CNTN4: variants seen among roughly 807,000 people sequenced by gnomAD.
The protein encoded by CNTN4 is contactin 4.
CNTN4 carries 77 observed loss-of-function variants against 122.5 expected under a neutral mutation model. The ratio of observed to expected loss-of-function variants is 0.63; its 90% CI spans 0.52 to 0.76. CNTN4 has a LOEUF of 0.76. CNTN4 is among the 30% of genes least tolerant of loss of function. The pLI is 0.00. For missense variants in CNTN4, 1,256 were observed against 1,259.1 expected (o/e 1.00, Z 0.04); for synonymous variants, 512 against 447.0 (o/e 1.15, Z -1.83).
intron 3 of CNTN4, among the ~76,000 whole-genome samples, chr3:2,396,324 C>T (rs899574763): frequency 6.6e-6 from 1 of 152,144 alleles, no homozygotes; most frequent in Non-Finnish European, 1.5e-5. Context: ...AGCGCCCAGC[C>T]TAGCCTGTTT....
chr3:2,673,419 T>A (rs867215590), intron 4 of CNTN4, among the ~76,000 whole-genome samples: 1 of 152,178 alleles, frequency 6.6e-6, no homozygotes, highest in Non-Finnish European at 1.5e-5. Flanking sequence ...CAATGTGGCT[T>A]TCCTGCTCTT....
chr3:2,379,544 G>A (rs939649902), intron 3 of CNTN4, among the ~76,000 whole-genome samples: 1 of 152,126 alleles, frequency 6.6e-6, no homozygotes, highest in African/African-American at 2.4e-5. Context: ...TAACTGCTAT[G>A]TTAGTATAAA....
chr3:2,799,661 G>A (rs538535530), intron 6 of CNTN4, among the ~76,000 whole-genome samples: 14 of 152,106 alleles, frequency 9.2e-5, no homozygotes, highest in Admixed American at 2.0e-4. Flanking sequence ...ACGGAATTTC[G>A]CCACGTTTGC....
intron 7 of CNTN4, among the ~76,000 whole-genome samples, chr3:2,857,041 A>T (rs751071172): frequency 3.1e-4 from 47 of 152,148 alleles, no homozygotes; most frequent in Non-Finnish European, 1.0e-4. Flanking sequence ...GTGAGACAAA[A>T]AACCTCTATG....
At chr3:2,218,735 AAAG>A (rs985971347) in intron 2 of CNTN4, among the ~76,000 whole-genome samples, 19 of 152,222 alleles carry the variant, frequency 1.2e-4, no homozygotes, top group African/African-American at 4.6e-4. Flanking sequence ...TACATACAGC[AAAG>A]AAGGATTGAT....
chr3:2,426,526 TTC>T (rs1328087459), intron 3 of CNTN4, among the ~76,000 whole-genome samples: 1 of 151,048 alleles, frequency 6.6e-6, no homozygotes, highest in Non-Finnish European at 1.5e-5. Context: ...TGGTCTGAAA[TTC>T]TCTTTTTTTT....
At chr3:2,261,124 C>T (rs2040819582) in intron 2 of CNTN4, among the ~76,000 whole-genome samples, 1 of 152,090 alleles carries the variant, frequency 6.6e-6, no homozygotes, top group South Asian at 2.1e-4. Context: ...AATAAATGAA[C>T]ACATCACATT....
At chr3:3,053,409 G>A (rs1018227629) in intron 23 of CNTN4, among the ~76,000 whole-genome samples, 2 of 152,184 alleles carry the variant, frequency 1.3e-5, no homozygotes, top group African/African-American at 4.8e-5. Flanking sequence ...ACTGAAGTGA[G>A]GCTCTGAAAG....
chr3:2,227,265 G>T (rs191731575), intron 2 of CNTN4, among the ~76,000 whole-genome samples: 1 of 152,224 alleles, frequency 6.6e-6, no homozygotes, highest in East Asian at 1.9e-4. Context: ...CATTCAAGAA[G>T]ATAAGTTGGT....
intron 3 of CNTN4, among the ~76,000 whole-genome samples, chr3:2,486,743 G>T (rs2076174026): frequency 6.6e-6 from 1 of 151,920 alleles, no homozygotes; most frequent in African/African-American, 2.4e-5. Flanking sequence ...CATTTATTTG[G>T]GTACAACTGT....
intron 2 of CNTN4, among the ~76,000 whole-genome samples, chr3:2,188,014 A>AG (rs1559325214): frequency 6.6e-6 from 1 of 151,402 alleles, no homozygotes; most frequent in Non-Finnish European, 1.5e-5. Flanking sequence ...ATGAAAAGGG[A>AG]GAAAAAAAAA....
intron 4 of CNTN4, among the ~76,000 whole-genome samples, chr3:2,587,111 C>T (rs1437282092): frequency 2.0e-5 from 3 of 152,128 alleles, no homozygotes; most frequent in African/African-American, 4.8e-5. Flanking sequence ...GCTAATATAT[C>T]CATATATTGA....
chr3:2,489,009 G>T (rs532257035), intron 3 of CNTN4, among the ~76,000 whole-genome samples: 10 of 152,236 alleles, frequency 6.6e-5, no homozygotes, highest in African/African-American at 2.4e-4. Flanking sequence ...GAAACATGCT[G>T]CTTTCCATCA....
chr3:2,716,293 G>A lies in CNTN4; in HGVS notation c.56-19922G>A, dbSNP rs115808657. Among the ~76,000 whole-genome samples, 495 of 151,448 alleles carry A rather than the reference G, an allele frequency of 3.3e-3. 4 individuals carry two copies. Among genetic ancestry groups the A allele is most frequent in the African/African-American group, 0.012 (480 of 41,324 alleles). On this transcript the variant is annotated intron_variant, in intron 4 of 24. Coordinates refer to ENST00000418658, the MANE Select transcript of CNTN4 (RefSeq NM_175607.3). ...TATATTGTAATTGAGATAAAGCACA[G>A]CATTATCATATATCATTATTGTATA...
At chr3:2,249,388 T>C (rs1253389146) in intron 2 of CNTN4, among the ~76,000 whole-genome samples, 1 of 151,910 alleles carries the variant, frequency 6.6e-6, no homozygotes, top group East Asian at 1.9e-4. Context: ...ACCTCTGAAA[T>C]AGGATAATAC....
At chr3:2,781,294 G>C (rs1435726684) in intron 6 of CNTN4, among the ~76,000 whole-genome samples, 1 of 152,066 alleles carries the variant, frequency 6.6e-6, no homozygotes, top group Admixed American at 6.6e-5. Flanking sequence ...TGGCCATCTT[G>C]CAGGTTTATC....
intron 2 of CNTN4, among the ~76,000 whole-genome samples, chr3:2,138,582 A>G (rs1055449897): frequency 6.6e-6 from 1 of 152,196 alleles, no homozygotes; most frequent in Admixed American, 6.5e-5. Context: ...TCATCATCCA[A>G]TTCACTGAGG....
intron 3 of CNTN4, among the ~76,000 whole-genome samples, chr3:2,515,060 T>C (rs1446490357): frequency 6.6e-6 from 1 of 152,084 alleles, no homozygotes; most frequent in Non-Finnish European, 1.5e-5. Context: ...AGTGTGACTT[T>C]AGAAACGAGG....
chr3:2,836,984 C>T (rs2093241071), intron 7 of CNTN4, among the ~76,000 whole-genome samples: 1 of 152,046 alleles, frequency 6.6e-6, no homozygotes, highest in Admixed American at 6.6e-5. Context: ...GACGTAAAGA[C>T]AAACAAGAAT....
Sources: gnomAD v4.1 joint callset for allele counts (sites outside exome capture counted in the v4.1 genomes callset) on GRCh38, gnomAD v4.1.1 for gene constraint, MANE v1.5 for transcripts, NCBI Gene and HGNC (gene_info 2026-07-23, HGNC 2026-07-21) for gene names.